TTC39C: variants seen among roughly 807,000 people sequenced by gnomAD.
The protein encoded by TTC39C is tetratricopeptide repeat protein 39C.
A neutral mutation model predicts 76.3 loss-of-function variants in TTC39C; 33 were observed. The observed-to-expected ratio is 0.43, with a 90% CI of 0.33 to 0.58. TTC39C has a LOEUF of 0.58. TTC39C is among the 20% of genes least tolerant of loss of function. TTC39C has a pLI of 0.04. For synonymous variants in TTC39C, 254 were observed against 260.6 expected, an observed-to-expected ratio of 0.97 and a Z score of 0.24; for missense variants, 595 against 701.4, an observed-to-expected ratio of 0.85 and a Z score of 1.71.
chr18:24,125,688 A>G, intron 10 of TTC39C, 138 bp downstream of exon 10: 1 of 1,121,590 alleles, frequency 8.9e-7, no homozygotes, highest in Non-Finnish European at 1.3e-6. Flanking sequence ...CCTTAGATAG[A>G]GGGTGTCGTG....
Position 24,082,931 on chromosome 18 carries a change from T to TC in TTC39C, c.835dup (p.His279ProfsTer14). 2 of 1,613,136 alleles carry TC rather than the reference T, an allele frequency of 1.2e-6. No homozygotes were observed. Among genetic ancestry groups the TC allele is most frequent in the Non-Finnish European group, 1.7e-6 (2 of 1,179,406 alleles). ...CCTCTAGATTAGCTCTGCTCTGGTA[T>TC]CATACTGTAGTCCGCCCGTTTTTTG... On this transcript the variant is annotated frameshift_variant, in exon 6 of 14. Coordinates refer to ENST00000317571, the MANE Select transcript of TTC39C (RefSeq NM_001135993.2). LOFTEE classifies it high-confidence loss of function.
intron 6 of TTC39C, among the ~76,000 whole-genome samples, chr18:24,088,134 T>C (rs1374369707): frequency 5.9e-5 from 9 of 152,170 alleles, no homozygotes; most frequent in Admixed American, 5.9e-4. Context: ...AAGAAGATGA[T>C]CTCCTAAGAA....
At chr18:24,023,944 A>C (rs866312564) in intron 1 of TTC39C, among the ~76,000 whole-genome samples, 31 of 23,924 alleles carry the variant, frequency 1.3e-3, no homozygotes, top group African/African-American at 1.8e-3. Flanking sequence ...ATATATATAT[A>C]TGCATGTATA....
intron 1 of TTC39C, among the ~76,000 whole-genome samples, chr18:24,004,441 CT>C (rs2083336484): frequency 6.6e-6 from 1 of 152,152 alleles, no homozygotes; most frequent in East Asian, 1.9e-4. Flanking sequence ...TGTTCTGAGT[CT>C]TCTTTTATAA....
rs138806302 is a variant in TTC39C at position 24,070,697 on chromosome 18, A to T, written c.460+1426A>T. On this transcript the variant is annotated intron_variant, in intron 4 of 13. Coordinates refer to ENST00000317571, the MANE Select transcript of TTC39C (RefSeq NM_001135993.2). Reference sequence around the variant, plus strand: ...CGTCTCTACTAAAAATACAAAAATTAGCTGGGTGTGGTGGTGGTCGCTGTA... The same window carrying T: ...CGTCTCTACTAAAAATACAAAAATTTGCTGGGTGTGGTGGTGGTCGCTGTA... 4.8e-3 allele frequency among the ~76,000 whole-genome samples: 726 copies of T among 152,028 alleles called. 3 individuals carry two copies. Among genetic ancestry groups the T allele is most frequent in the African/African-American group, 0.016 (679 of 41,498 alleles).
chr18:24,061,593 TAAAAAAAAAAA>T (rs35502981), intron 1 of TTC39C, among the ~76,000 whole-genome samples: 19 of 95,824 alleles, frequency 2.0e-4, no homozygotes, highest in South Asian at 7.5e-4. Context: ...TTGAAATAAG[TAAAAAAAAAAA>T]AAAAAAAAAA....
At chr18:24,129,211 C>T (rs1011905968) in intron 11 of TTC39C, among the ~76,000 whole-genome samples, 1 of 152,118 alleles carries the variant, frequency 6.6e-6, no homozygotes, top group Non-Finnish European at 1.5e-5. Flanking sequence ...TATATGGCCT[C>T]CTTTTCTGGC....
intron 6 of TTC39C, among the ~76,000 whole-genome samples, chr18:24,109,899 G>T (rs60168413): frequency 6.6e-6 from 1 of 151,890 alleles, no homozygotes; most frequent in African/African-American, 2.4e-5. Flanking sequence ...CCAGCTAATC[G>T]GGAGGCTGAG....
intron 7 of TTC39C, 132 bp downstream of exon 7, chr18:24,114,779 C>A: frequency 1.6e-6 from 1 of 616,084 alleles, no homozygotes; most frequent in African/African-American, 1.8e-5. Flanking sequence ...TCAGTTATTC[C>A]CGTAGCACAT....
At chr18:24,089,271 C>T (rs940080527) in intron 6 of TTC39C, among the ~76,000 whole-genome samples, 1 of 152,132 alleles carries the variant, frequency 6.6e-6, no homozygotes, top group Non-Finnish European at 1.5e-5. Context: ...GGCAAGCCTG[C>T]CTCTTGTATT....
At chr18:24,059,769 A>AT (rs1482632853) in intron 1 of TTC39C, among the ~76,000 whole-genome samples, 8 of 152,128 alleles carry the variant, frequency 5.3e-5, no homozygotes, top group African/African-American at 1.9e-4. Flanking sequence ...GTTTGTTTTC[A>AT]CGCTGCTGAT....
At chr18:24,045,927 A>ATATATATATTT (rs1568417525) in intron 1 of TTC39C, among the ~76,000 whole-genome samples, 1 of 25,674 alleles carries the variant, frequency 3.9e-5, no homozygotes, top group African/African-American at 1.7e-4. Context: ...ATATATATAT[A>ATATATATATTT]TTTTTTTTTT....
chr18:24,036,997 C>A (rs1440451879), intron 1 of TTC39C, among the ~76,000 whole-genome samples: 5 of 152,122 alleles, frequency 3.3e-5, no homozygotes, highest in Non-Finnish European at 5.9e-5. Context: ...TATTGTTTTT[C>A]TTTCCAATTG....
intron 1 of TTC39C, 82 bp from the exon 2 acceptor site, chr18:24,064,058 A>AT: frequency 6.4e-7 from 1 of 1,569,112 alleles, no homozygotes; most frequent in Non-Finnish European, 8.7e-7. Flanking sequence ...TATGGTAATC[A>AT]TGATATGTCA....
chr18:24,111,919 A>AGT (rs2084818917), intron 6 of TTC39C, among the ~76,000 whole-genome samples: 2 of 6,670 alleles, frequency 3.0e-4, no homozygotes, highest in Admixed American at 0.01. Flanking sequence ...ATATATATAT[A>AGT]TATATTTTTT....
At chr18:24,005,319 C>G (rs1013010337) in intron 1 of TTC39C, among the ~76,000 whole-genome samples, 1 of 152,136 alleles carries the variant, frequency 6.6e-6, no homozygotes, top group African/African-American at 2.4e-5. Context: ...CAGCACCCAG[C>G]ACGTAGTGAT....
chr18:23,997,154 T>C (rs1003846285), intron 1 of TTC39C, among the ~76,000 whole-genome samples: 6 of 152,124 alleles, frequency 3.9e-5, no homozygotes, highest in Admixed American at 3.9e-4. Context: ...CAGTGGCTCC[T>C]ATCTGTAATC....
intron 1 of TTC39C, among the ~76,000 whole-genome samples, chr18:24,042,146 G>A (rs943765668): frequency 4.6e-5 from 7 of 152,090 alleles, no homozygotes; most frequent in African/African-American, 1.7e-4. Flanking sequence ...TGTCTAAATC[G>A]AGTGTTTTGT....
chr18:24,065,140 C>T (rs1394626247), intron 2 of TTC39C, among the ~76,000 whole-genome samples: 1 of 152,074 alleles, frequency 6.6e-6, no homozygotes, highest in East Asian at 1.9e-4. Context: ...ATTTCAGCAG[C>T]TTGAGAGGAG....
Sources: gnomAD v4.1 joint callset for allele counts (sites outside exome capture counted in the v4.1 genomes callset) on GRCh38, gnomAD v4.1.1 for gene constraint, MANE v1.5 for transcripts, NCBI Gene and HGNC (gene_info 2026-07-23, HGNC 2026-07-21) for gene names.